CPPED1: variants seen among roughly 807,000 people sequenced by gnomAD.
CPPED1 encodes calcineurin like phosphoesterase domain containing 1.
A neutral mutation model predicts 28.0 loss-of-function variants in CPPED1; 28 were observed. The observed-to-expected ratio is 1.00, with a 90% CI of 0.74 to 1.37. The LOEUF is 1.37. CPPED1 is among the 40% of genes most tolerant of loss of function. The pLI is 0.00. For synonymous variants in CPPED1, 198 were observed against 180.2 expected (o/e 1.10, Z -0.79); for missense variants, 504 against 416.5 (o/e 1.21, Z -1.83).
At chr16:12,732,305 G>A (rs149111897) in intron 2 of CPPED1, among the ~76,000 whole-genome samples, 2,832 of 144,492 alleles carry the variant, frequency 0.02, 38 homozygotes, top group Middle Eastern at 0.034. Flanking sequence ...AGGCTTAGAA[G>A]ATAAGGTGAG....
chr16:12,744,253 A>G (rs1053924935), intron 2 of CPPED1, among the ~76,000 whole-genome samples: 2 of 137,906 alleles, frequency 1.5e-5, no homozygotes, highest in African/African-American at 5.6e-5. Context: ...CCTGGGCGAC[A>G]GAGCAAGACT....
chr16:12,698,524 A>G (rs995277589), intron 3 of CPPED1, among the ~76,000 whole-genome samples: 2 of 152,058 alleles, frequency 1.3e-5, no homozygotes, highest in African/African-American at 2.4e-5. Context: ...CTCCGCCTCC[A>G]GGGTTCAAGC....
intron 3 of CPPED1, among the ~76,000 whole-genome samples, chr16:12,688,571 C>T (rs1161900660): frequency 6.6e-6 from 1 of 152,108 alleles, no homozygotes; most frequent in African/African-American, 2.4e-5. Context: ...ACTCCGACCT[C>T]AGGTGATCTG....
intron 2 of CPPED1, among the ~76,000 whole-genome samples, chr16:12,726,378 T>C (rs999206412): frequency 6.9e-6 from 1 of 145,966 alleles, no homozygotes; most frequent in African/African-American, 2.5e-5. Flanking sequence ...AGTCTCACTC[T>C]GTTGCCCAGG....
At chr16:12,764,759 C>T (rs555124978) in intron 2 of CPPED1, among the ~76,000 whole-genome samples, 19 of 152,312 alleles carry the variant, frequency 1.2e-4, no homozygotes, top group African/African-American at 4.3e-4. Flanking sequence ...GGCTCAGAGC[C>T]ACCATTTTGT....
At chr16:12,753,291 C>T (rs2080342631) in intron 2 of CPPED1, 1 of 152,142 alleles carries the variant, frequency 6.6e-6, no homozygotes, top group Non-Finnish European at 1.5e-5. Context: ...AGCTAATCAC[C>T]TTTACTCTTT....
At chr16:12,712,887 A>G (rs915377845) in intron 2 of CPPED1, among the ~76,000 whole-genome samples, 2 of 152,218 alleles carry the variant, frequency 1.3e-5, no homozygotes, top group East Asian at 1.9e-4. Flanking sequence ...TTTTATGAGC[A>G]TAAGTTACTT....
intron 3 of CPPED1, among the ~76,000 whole-genome samples, chr16:12,697,015 TTTTC>T (rs1238436311): frequency 3.9e-5 from 6 of 152,210 alleles, no homozygotes; most frequent in African/African-American, 1.4e-4. Context: ...TACTGAATCA[TTTTC>T]TTTATTTTTA....
At chr16:12,692,749 C>A (rs564103972) in intron 3 of CPPED1, among the ~76,000 whole-genome samples, 4 of 152,206 alleles carry the variant, frequency 2.6e-5, no homozygotes, top group African/African-American at 9.6e-5. Flanking sequence ...CTGCACTTTT[C>A]GGGAGAGAAA....
intron 2 of CPPED1, among the ~76,000 whole-genome samples, chr16:12,758,455 A>G (rs963977697): frequency 6.6e-6 from 1 of 152,194 alleles, no homozygotes; most frequent in African/African-American, 2.4e-5. Flanking sequence ...CAGAGAACCT[A>G]TCCAAGAAGC....
intron 3 of CPPED1, among the ~76,000 whole-genome samples, chr16:12,674,865 T>A (rs1444604500): frequency 6.6e-6 from 1 of 152,114 alleles, no homozygotes; most frequent in African/African-American, 2.4e-5. Flanking sequence ...ACAGCCCATA[T>A]CATGGGTGGC....
chr16:12,683,425 G>A (rs990744097), intron 3 of CPPED1, among the ~76,000 whole-genome samples: 1 of 151,928 alleles, frequency 6.6e-6, no homozygotes, highest in African/African-American at 2.4e-5. Flanking sequence ...ATGACCACCG[G>A]TTCTGTTATA....
intron 2 of CPPED1, among the ~76,000 whole-genome samples, chr16:12,754,085 T>C (rs149382406): frequency 2.4e-4 from 36 of 152,274 alleles, no homozygotes; most frequent in African/African-American, 8.4e-4. Flanking sequence ...TTGTACACCA[T>C]TGCTTTTTCA....
At chr16:12,758,943 G>C (rs1485936939) in intron 2 of CPPED1, among the ~76,000 whole-genome samples, 1 of 151,838 alleles carries the variant, frequency 6.6e-6, no homozygotes, top group Non-Finnish European at 1.5e-5. Context: ...CAGGAGGATC[G>C]CTTGAGCCCA....
chr16:12,748,671 G>A (rs1013994659), intron 2 of CPPED1, among the ~76,000 whole-genome samples: 37 of 152,120 alleles, frequency 2.4e-4, no homozygotes, highest in African/African-American at 8.2e-4. Flanking sequence ...GGATCATGAG[G>A]TCAAGAGTTC....
Position 12,686,241 on chromosome 16 carries a change from A to ATATATTTTT in CPPED1, c.715+18382_715+18383insAAAAATATA, listed in dbSNP as rs35644844. 3.6e-3 allele frequency among the ~76,000 whole-genome samples: 383 copies of ATATATTTTT among 106,938 alleles called. 3 individuals are homozygous for ATATATTTTT. Among genetic ancestry groups the ATATATTTTT allele is most frequent in the African/African-American group, 0.014 (352 of 24,310 alleles). 70.2% of individuals were successfully genotyped at this position (106,938 alleles called of 152,430 possible). A position where few individuals can be genotyped will look rare whatever the true frequency, so the allele number is the denominator to read the frequency against. ...GTTTATTAATTGTATATATATATATATTTTTTTTTTTGAGATGGGGTCTTG... is the reference window on the plus strand; with the variant it reads ...GTTTATTAATTGTATATATATATATATATATTTTTTTTTTTTTTTTGAGATGGGGTCTTG... On this transcript the variant is annotated intron_variant, in intron 3 of 3. Coordinates refer to ENST00000381774, the MANE Select transcript of CPPED1 (RefSeq NM_018340.3).
In CPPED1 at chr16:12,704,613, G is replaced by A. The variant is rs773062958; in HGVS notation, c.715+11C>T. 21 of 1,596,982 alleles carry A rather than the reference G, an allele frequency of 1.3e-5. No homozygotes were observed. Among genetic ancestry groups the A allele is most frequent in the Middle Eastern group, 1.7e-4 (1 of 6,014 alleles). Reference sequence around the variant, plus strand: ...CCTTCCTCCCTGAAACCCGTGGCCCGGGGCCTCTACCTGCGTGGATGAACT... The same window carrying A: ...CCTTCCTCCCTGAAACCCGTGGCCCAGGGCCTCTACCTGCGTGGATGAACT... On this transcript the variant is annotated intron_variant, in intron 3 of 3. Transcript: ENST00000381774.
chr16:12,710,328 G>A (rs1461883498), intron 2 of CPPED1, among the ~76,000 whole-genome samples: 2 of 152,064 alleles, frequency 1.3e-5, no homozygotes, highest in Non-Finnish European at 2.9e-5. Context: ...TTAATTCCCA[G>A]ACATCTGAGC....
chr16:12,700,011 G>A (rs1036353112), intron 3 of CPPED1, among the ~76,000 whole-genome samples: 11 of 152,320 alleles, frequency 7.2e-5, no homozygotes, highest in African/African-American at 2.6e-4. Flanking sequence ...GAGCTTCCAA[G>A]CCCAGCAAGT....
Sources: allele counts gnomAD v4.1 joint callset (sites outside exome capture counted in the v4.1 genomes callset), GRCh38; gene constraint gnomAD v4.1.1; transcripts MANE v1.5; gene names NCBI Gene and HGNC (gene_info 2026-07-23, HGNC 2026-07-21).